The following CCDC7 variants were observed in gnomAD, a reference collection of about 807,000 sequenced individuals.
CCDC7 encodes coiled-coil domain-containing protein 7.
In CCDC7, 183 loss-of-function variants were observed where a neutral mutation model predicts 196.9. That is an observed-to-expected ratio of 0.93 (90% CI 0.82 to 1.05). The LOEUF is 1.05. Ranked by LOEUF, CCDC7 falls within the 50% of genes least tolerant of loss-of-function variation. The pLI is 0.00. For missense variants in CCDC7, 1,540 were observed against 1,482.2 expected (o/e 1.04, Z -0.64); for synonymous variants, 525 against 484.6 (o/e 1.08, Z -1.10).
chr10:32,459,844 T>G (rs1477641757), intron 3 of CCDC7, among the ~76,000 whole-genome samples: 5 of 152,206 alleles, frequency 3.3e-5, no homozygotes, highest in African/African-American at 1.2e-4. Flanking sequence ...AGATTCATTA[T>G]GCAGCTATAT....
chr10:32,475,240 C>CT (rs1186469953), intron 8 of CCDC7, among the ~76,000 whole-genome samples: 6 of 152,132 alleles, frequency 3.9e-5, no homozygotes, highest in Non-Finnish European at 1.5e-5. Context: ...CCAGTATGCT[C>CT]TGAGTTCCCC....
Position 32,868,573 on chromosome 10 carries a change from CT to C in CCDC7, c.4112-7765del, listed in dbSNP as rs535920044. Among the ~76,000 whole-genome samples, 6 of 150,888 alleles carry C rather than the reference CT, an allele frequency of 4.0e-5. No homozygotes were observed. In the South Asian group the frequency reaches 8.4e-4, roughly 21 times the overall value. On this transcript the variant is annotated intron_variant, in intron 41 of 41. Coordinates refer to ENST00000639629, the Ensembl canonical transcript of CCDC7. ...TTTTAGCATTTATCAGCACATTATT[CT>C]TTTTTTTTAATACTTTAAGTTCTAA...
chr10:32,476,862 T>C (rs946161664), intron 8 of CCDC7, among the ~76,000 whole-genome samples: 7 of 152,220 alleles, frequency 4.6e-5, no homozygotes, highest in African/African-American at 1.7e-4. Flanking sequence ...ATTTCTTTGG[T>C]GAGGTATTCA....
chr10:32,708,980 C>G (rs2080312314), intron 24 of CCDC7, among the ~76,000 whole-genome samples: 1 of 152,110 alleles, frequency 6.6e-6, no homozygotes, highest in Non-Finnish European at 1.5e-5. Flanking sequence ...GGTATATACC[C>G]AAAGGATTAT....
intron 24 of CCDC7, among the ~76,000 whole-genome samples, chr10:32,708,173 CTACACCCATCTGATCTTTGACA>C (rs1252438145): frequency 3.3e-5 from 5 of 152,164 alleles, no homozygotes; most frequent in Non-Finnish European, 7.4e-5. Context: ...TACCACACAT[CTACACCCATCTGATCTTTGACA>C]AACCTGACAA....
At chr10:32,458,905 C>A (rs2034975480) in intron 3 of CCDC7, among the ~76,000 whole-genome samples, 1 of 151,980 alleles carries the variant, frequency 6.6e-6, no homozygotes, top group Non-Finnish European at 1.5e-5. Context: ...AATATTAATT[C>A]TTCTAATCCA....
intron 3 of CCDC7, among the ~76,000 whole-genome samples, chr10:32,462,253 C>T (rs775263985): frequency 1.3e-5 from 2 of 151,926 alleles, no homozygotes; most frequent in African/African-American, 2.4e-5. Flanking sequence ...AAACTCCATC[C>T]CTATTAAAAA....
At chr10:32,654,154 A>G (rs1474073762) in intron 20 of CCDC7, among the ~76,000 whole-genome samples, 3 of 152,004 alleles carry the variant, frequency 2.0e-5, no homozygotes, top group Admixed American at 2.0e-4. Flanking sequence ...CAGAATTTCT[A>G]TTTGGTTACT....
At chr10:32,626,192 A>G (rs2064022158) in intron 18 of CCDC7, among the ~76,000 whole-genome samples, 2 of 152,118 alleles carry the variant, frequency 1.3e-5, no homozygotes, top group African/African-American at 4.8e-5. Context: ...CTAACAGTGT[A>G]CAAGAGTTAT....
At chr10:32,541,753 C>T (rs1045188830) in intron 11 of CCDC7, among the ~76,000 whole-genome samples, 2 of 152,316 alleles carry the variant, frequency 1.3e-5, no homozygotes, top group Admixed American at 1.3e-4. Context: ...CCCAGTGGCT[C>T]CTACCTCAGT....
intron 41 of CCDC7, among the ~76,000 whole-genome samples, chr10:32,870,427 GA>G (rs1475367318): frequency 6.6e-6 from 1 of 152,118 alleles, no homozygotes; most frequent in African/African-American, 2.4e-5. Flanking sequence ...GAATGCTTAT[GA>G]TTTTTGCACA....
chr10:32,754,980 G>A (rs1024245854), intron 28 of CCDC7, among the ~76,000 whole-genome samples: 5 of 152,170 alleles, frequency 3.3e-5, no homozygotes, highest in Non-Finnish European at 7.3e-5. Flanking sequence ...ATCCCGCGCT[G>A]GCTTGGAGGG....
intron 8 of CCDC7, among the ~76,000 whole-genome samples, chr10:32,488,146 C>T (rs1339961662): frequency 1.3e-5 from 2 of 152,214 alleles, no homozygotes; most frequent in Non-Finnish European, 2.9e-5. Context: ...GTTTGAGCTT[C>T]CTGGCTGCTT....
intron 5 of CCDC7, among the ~76,000 whole-genome samples, chr10:32,466,505 T>C (rs2036833560): frequency 6.6e-6 from 1 of 152,202 alleles, no homozygotes; most frequent in Non-Finnish European, 1.5e-5. Flanking sequence ...CTCCCACTTA[T>C]AAGTGAGAAC....
At chr10:32,454,939 G>A (rs917858409) in intron 2 of CCDC7, among the ~76,000 whole-genome samples, 1 of 152,086 alleles carries the variant, frequency 6.6e-6, no homozygotes, top group South Asian at 2.1e-4. Flanking sequence ...TCCTCCTTGT[G>A]CCCTTACTTA....
chr10:32,751,065 C>T (rs2075584936), intron 28 of CCDC7, among the ~76,000 whole-genome samples: 1 of 152,124 alleles, frequency 6.6e-6, no homozygotes, highest in African/African-American at 2.4e-5. Flanking sequence ...TTATAGCTAC[C>T]TTCCTCCATT....
rs576546994 is a variant in CCDC7 at position 32,676,782 on chromosome 10, C to G, written c.2123-9188C>G. Among the ~76,000 whole-genome samples, 4 of 152,256 alleles carry G rather than the reference C, an allele frequency of 2.6e-5. No homozygotes were observed. In the South Asian group the frequency reaches 8.3e-4, roughly 32 times the overall value. On this transcript the variant is annotated intron_variant, in intron 21 of 41. Transcript: ENST00000639629. ...TTTACACTGTTGGTGGGACTGTAAACTAGTTCACCCATTGTGGAAGGCAGT... is the reference window on the plus strand; with the variant it reads ...TTTACACTGTTGGTGGGACTGTAAAGTAGTTCACCCATTGTGGAAGGCAGT...
At chr10:32,585,763 C>T (rs2059207158) in intron 18 of CCDC7, among the ~76,000 whole-genome samples, 2 of 152,128 alleles carry the variant, frequency 1.3e-5, no homozygotes, top group South Asian at 2.1e-4. Flanking sequence ...TTTTCTTTAT[C>T]CAGTCTATCA....
intron 18 of CCDC7, among the ~76,000 whole-genome samples, chr10:32,585,467 C>G (rs2059175348): frequency 6.6e-6 from 1 of 152,152 alleles, no homozygotes; most frequent in African/African-American, 2.4e-5. Context: ...TGGTGGTTTG[C>G]TGCACCCATC....
Sources: gnomAD v4.1 joint callset for allele counts (sites outside exome capture counted in the v4.1 genomes callset) on GRCh38, gnomAD v4.1.1 for gene constraint, MANE v1.5 for transcripts, NCBI Gene and HGNC (gene_info 2026-07-23, HGNC 2026-07-21) for gene names.